The following THRB variants were observed in gnomAD, a reference collection of about 807,000 sequenced individuals.
The protein encoded by THRB is thyroid hormone receptor beta, also known as nuclear receptor subfamily 1 group A member 2.
Under a neutral mutation model 47.8 loss-of-function variants are expected in THRB, and 12 were observed. That is an observed-to-expected ratio of 0.25 (90% CI 0.16 to 0.41). The LOEUF is 0.41. THRB is among the 10% of genes least tolerant of loss of function. The probability of loss-of-function intolerance (pLI) is 1.00; values close to 1 mark genes in which losing one functional copy is unlikely to be tolerated. For missense variants in THRB, 348 were observed against 589.2 expected, an observed-to-expected ratio of 0.59 and a Z score of 4.24; for synonymous variants, 218 against 212.2, an observed-to-expected ratio of 1.03 and a Z score of -0.24.
At chr3:24,177,039 TC>T (rs1254280080) in intron 5 of THRB, among the ~76,000 whole-genome samples, 2 of 152,144 alleles carry the variant, frequency 1.3e-5, no homozygotes, top group Non-Finnish European at 2.9e-5. Context: ...AAAGTTTACA[TC>T]ATTTATGTAT....
chr3:24,264,429 A>G (rs1311490636), intron 3 of THRB, among the ~76,000 whole-genome samples: 1 of 152,184 alleles, frequency 6.6e-6, no homozygotes, highest in East Asian at 1.9e-4. Flanking sequence ...AGTTGCAGAC[A>G]AAGTTTGGAC....
chr3:24,209,701 G>A (rs1423961624), intron 4 of THRB, among the ~76,000 whole-genome samples: 1 of 152,146 alleles, frequency 6.6e-6, no homozygotes, highest in African/African-American at 2.4e-5. Context: ...GGGAGGGATA[G>A]CATTAGGAGA....
chr3:24,219,586 G>T (rs1212384176), intron 4 of THRB, among the ~76,000 whole-genome samples: 1 of 152,228 alleles, frequency 6.6e-6, no homozygotes, highest in Non-Finnish European at 1.5e-5. Flanking sequence ...CAGTCCTCAG[G>T]AGTAGAGCAT....
intron 1 of THRB, among the ~76,000 whole-genome samples, chr3:24,440,334 T>C (rs1387621062): frequency 6.6e-6 from 1 of 152,114 alleles, no homozygotes; most frequent in Non-Finnish European, 1.5e-5. Context: ...AAATCATTGA[T>C]AGAAAACAGT....
chr3:24,472,902 A>C (rs951043370), intron 1 of THRB, among the ~76,000 whole-genome samples: 22 of 152,154 alleles, frequency 1.4e-4, no homozygotes, highest in African/African-American at 4.1e-4. Context: ...ATAAATTATA[A>C]ATTTTTATAA....
chr3:24,478,805 T>C (rs1402054142), intron 1 of THRB, among the ~76,000 whole-genome samples: 3 of 152,054 alleles, frequency 2.0e-5, no homozygotes, highest in Middle Eastern at 3.2e-3. Flanking sequence ...CAGCTATAAC[T>C]GATGAAAAGC....
At chr3:24,321,815 G>T (rs2058504037) in intron 2 of THRB, among the ~76,000 whole-genome samples, 2 of 151,994 alleles carry the variant, frequency 1.3e-5, no homozygotes, top group Admixed American at 1.3e-4. Context: ...AATGAGATGT[G>T]CTATAAGTAT....
At chr3:24,146,598 G>T in intron 7 of THRB, 77 bp downstream of exon 7, 2 of 1,490,204 alleles carry the variant, frequency 1.3e-6, no homozygotes, top group South Asian at 1.1e-5. Flanking sequence ...CTTCTTTTCT[G>T]CCCAGTCGAT....
intron 1 of THRB, among the ~76,000 whole-genome samples, chr3:24,451,956 G>A (rs1441116020): frequency 6.6e-6 from 1 of 152,146 alleles, no homozygotes; most frequent in Non-Finnish European, 1.5e-5. Context: ...GCTGGTAGGG[G>A]CCTAAGCCCC....
chr3:24,492,124 T>G (rs1006283651), intron 1 of THRB, among the ~76,000 whole-genome samples: 3 of 152,232 alleles, frequency 2.0e-5, no homozygotes, highest in African/African-American at 7.2e-5. Flanking sequence ...TGTAGTCAGG[T>G]ATTTTTGAGA....
At chr3:24,384,006 T>C (rs762800826) in intron 1 of THRB, among the ~76,000 whole-genome samples, 5 of 152,172 alleles carry the variant, frequency 3.3e-5, no homozygotes, top group Non-Finnish European at 5.9e-5. Flanking sequence ...GGATCTTTCT[T>C]GGTCTCGATT....
At chr3:24,387,784 G>T (rs2066246401) in intron 1 of THRB, among the ~76,000 whole-genome samples, 1 of 152,104 alleles carries the variant, frequency 6.6e-6, no homozygotes, top group Admixed American at 6.6e-5. Context: ...GGGTCAAGGG[G>T]TTAGGAATTC....
At chr3:24,400,114 A>T (rs2067280147) in intron 1 of THRB, among the ~76,000 whole-genome samples, 1 of 152,114 alleles carries the variant, frequency 6.6e-6, no homozygotes, top group Non-Finnish European at 1.5e-5. Flanking sequence ...GGAGTTAATG[A>T]CCATAGGCCA....
chr3:24,325,458 G>T (rs1337485644), intron 2 of THRB, among the ~76,000 whole-genome samples: 1 of 152,248 alleles, frequency 6.6e-6, no homozygotes, highest in Non-Finnish European at 1.5e-5. Context: ...AGGCTGAGGC[G>T]GATGGATCAC....
intron 1 of THRB, among the ~76,000 whole-genome samples, chr3:24,435,550 A>C (rs1039298370): frequency 5.3e-5 from 8 of 152,050 alleles, no homozygotes; most frequent in Non-Finnish European, 2.9e-5. Context: ...CCCTCTCCCT[A>C]ACTTGATGAG....
rs73823307 is a variant in THRB at position 24,479,449 on chromosome 3, T to C, written c.-261+15203A>G. Reference sequence around the variant, plus strand: ...CTTGCTCCAGGGGAACACGGGGGCATGGTAGAGACAAGAACAAGCTATTAG... The same window carrying C: ...CTTGCTCCAGGGGAACACGGGGGCACGGTAGAGACAAGAACAAGCTATTAG... On this transcript the variant is annotated intron_variant, in intron 1 of 10. Transcript: ENST00000646209. Among the ~76,000 whole-genome samples, 1,017 of 152,174 alleles carry C rather than the reference T, an allele frequency of 6.7e-3. 16 individuals are homozygous for C. Among genetic ancestry groups the C allele is most frequent in the African/African-American group, 0.023 (962 of 41,534 alleles).
intron 1 of THRB, among the ~76,000 whole-genome samples, chr3:24,404,427 T>A (rs1448470434): frequency 2.0e-5 from 3 of 151,914 alleles, no homozygotes; most frequent in African/African-American, 7.2e-5. Flanking sequence ...CTCTTCCTTT[T>A]TACAATGCCA....
chr3:24,123,202 T>A, intron 10 of THRB, 77 bp from the exon 11 acceptor site: 1 of 1,600,656 alleles, frequency 6.2e-7, no homozygotes, highest in Non-Finnish European at 8.5e-7. Context: ...TCCAGGCCTT[T>A]ATTGGGGGGC....
intron 10 of THRB, among the ~76,000 whole-genome samples, chr3:24,125,645 T>A (rs2032615562): frequency 6.6e-6 from 1 of 152,172 alleles, no homozygotes; most frequent in Non-Finnish European, 1.5e-5. Flanking sequence ...TGGGCCCCAT[T>A]TCTTGCTGGC....
Sources: gnomAD v4.1 joint callset for allele counts (sites outside exome capture counted in the v4.1 genomes callset) on GRCh38, gnomAD v4.1.1 for gene constraint, MANE v1.5 for transcripts, NCBI Gene and HGNC (gene_info 2026-07-23, HGNC 2026-07-21) for gene names.